The following CFDP1 variants were observed in gnomAD, a reference collection of about 807,000 sequenced individuals.
CFDP1 encodes the protein chromatin remodeling protein CFDP1.
Under a neutral mutation model 40.1 loss-of-function variants are expected in CFDP1, and 31 were observed. The ratio of observed to expected loss-of-function variants is 0.77; its 90% confidence interval spans 0.58 to 1.04. The LOEUF is 1.04. Among genes scored for constraint, CFDP1 ranks in the 50% least tolerant of loss-of-function variants. The probability of loss-of-function intolerance (pLI) is 0.00; values close to 1 mark genes in which losing one functional copy is unlikely to be tolerated. For synonymous variants in CFDP1, 167 were observed against 120.0 expected, an observed-to-expected ratio of 1.39 and a Z score of -2.56; for missense variants, 423 against 343.4, an observed-to-expected ratio of 1.23 and a Z score of -1.83.
chr16:75,395,592 G>C (rs2078989777), intron 4 of CFDP1, among the ~76,000 whole-genome samples: 1 of 152,144 alleles, frequency 6.6e-6, no homozygotes, highest in African/African-American at 2.4e-5. Context: ...CCGGGAGGCA[G>C]AGGTTGCAGT....
At chr16:75,303,488 T>A (rs1389262740) in intron 6 of CFDP1, among the ~76,000 whole-genome samples, 1 of 142,396 alleles carries the variant, frequency 7.0e-6, no homozygotes, top group Non-Finnish European at 1.5e-5. Flanking sequence ...TCTTGAAGCC[T>A]AATTTAGAAA....
At position 75,297,146 on chromosome 16, in the gene CFDP1, T is replaced by TTTTGTGTGTG. The variant is rs1555551779; in HGVS notation, c.810-3105_810-3104insCACACACAAA. Among the ~76,000 whole-genome samples the TTTTGTGTGTG allele has an allele frequency of 2.3e-3, 302 of 133,064 alleles. 1 individual carries two copies. Among genetic ancestry groups the TTTTGTGTGTG allele is most frequent in the African/African-American group, 7.9e-3 (293 of 37,300 alleles). 87.3% of individuals were successfully genotyped at this position (133,064 alleles called of 152,430 possible). On this transcript the variant is annotated intron_variant, in intron 6 of 6. Coordinates refer to ENST00000283882, the MANE Select transcript of CFDP1 (RefSeq NM_006324.3). ...GCTTGGGGTTCTTGCTTCCCATTTCTTGTGTGTGTGTGTGTGTGTCTGTGT... is the reference window on the plus strand; with the variant it reads ...GCTTGGGGTTCTTGCTTCCCATTTCTTTTGTGTGTGTGTGTGTGTGTGTGTGTGTCTGTGT...
At chr16:75,351,501 G>A (rs1257491803) in intron 5 of CFDP1, among the ~76,000 whole-genome samples, 1 of 152,120 alleles carries the variant, frequency 6.6e-6, no homozygotes, top group East Asian at 1.9e-4. Context: ...TAACTAATTT[G>A]AAGAACTTAT....
chr16:75,414,512 A>G (rs998256104), intron 2 of CFDP1, 66 bp downstream of exon 2: 3 of 934,360 alleles, frequency 3.2e-6, no homozygotes, highest in Non-Finnish European at 5.2e-6. Context: ...CATGAGACCA[A>G]TCTTAGCAAT....
intron 1 of CFDP1, among the ~76,000 whole-genome samples, chr16:75,423,743 T>A (rs929972527): frequency 6.6e-6 from 1 of 152,200 alleles, no homozygotes; most frequent in Admixed American, 6.5e-5. Flanking sequence ...CTCGATCTCC[T>A]GACCTTGAGA....
rs2078672022 is a variant in CFDP1, at chr16:75,360,148, T to C, written c.650+34942A>G. Among the ~76,000 whole-genome samples the C allele has an allele frequency of 2.0e-5, 3 of 152,092 alleles. No homozygotes were observed. In the South Asian group the frequency reaches 6.2e-4, roughly 32 times the overall value. ...CTCAAGCAATCCTCCCATCCTGGCCTCCCAAAAAGTGCTGGGATTACAGGC... is the reference window on the plus strand; with the variant it reads ...CTCAAGCAATCCTCCCATCCTGGCCCCCCAAAAAGTGCTGGGATTACAGGC... On this transcript the variant is annotated intron_variant, in intron 5 of 6. Transcript: ENST00000283882.
At position 75,396,141 on chromosome 16, in the gene CFDP1, G is replaced by C. The variant is rs767016385; in HGVS notation, c.531-932C>G. 1.9e-5 allele frequency among the ~76,000 whole-genome samples: 2 copies of C among 103,432 alleles called. 1 individual carries two copies. The allele number at this position is 103,432 out of a possible 152,430, so 67.9% of individuals were successfully genotyped here. Reference sequence around the variant, plus strand: ...CACATGCAGATTAGCACTCAGCCTTGAAAGCTGAGATGGGGAGATGGAATA... The same window carrying C: ...CACATGCAGATTAGCACTCAGCCTTCAAAGCTGAGATGGGGAGATGGAATA... On this transcript the variant is annotated intron_variant, in intron 4 of 6. Coordinates refer to ENST00000283882, the MANE Select transcript of CFDP1 (RefSeq NM_006324.3).
At chr16:75,344,408 T>C (rs1261893583) in intron 5 of CFDP1, among the ~76,000 whole-genome samples, 1 of 152,212 alleles carries the variant, frequency 6.6e-6, no homozygotes, top group Non-Finnish European at 1.5e-5. Context: ...TTAATTGCTT[T>C]AGAAAACAAA....
chr16:75,312,155 G>C (rs1194445944), intron 5 of CFDP1, among the ~76,000 whole-genome samples: 1 of 152,102 alleles, frequency 6.6e-6, no homozygotes, highest in African/African-American at 2.4e-5. Flanking sequence ...AAATCTCTAA[G>C]TAATCTCCCC....
At chr16:75,313,633 C>A in intron 5 of CFDP1, among the ~76,000 whole-genome samples, 1 of 152,328 alleles carries the variant, frequency 6.6e-6, no homozygotes, top group African/African-American at 2.4e-5. Context: ...CCACGCCTGG[C>A]CAGCATGTGA....
chr16:75,390,060 A>G (rs1410046962), intron 5 of CFDP1, among the ~76,000 whole-genome samples: 1 of 152,238 alleles, frequency 6.6e-6, no homozygotes. Flanking sequence ...GTAATGTGTT[A>G]TGTTCCATCA....
chr16:75,368,947 A>G (rs2078734388), intron 5 of CFDP1, among the ~76,000 whole-genome samples: 1 of 151,950 alleles, frequency 6.6e-6, no homozygotes, highest in South Asian at 2.1e-4. Flanking sequence ...TCCTTTTTAC[A>G]TTTTTCAATA....
intron 4 of CFDP1, among the ~76,000 whole-genome samples, chr16:75,398,783 T>C (rs12920883): frequency 0.52 from 78,594 of 151,806 alleles, 21,384 homozygotes; most frequent in Admixed American, 0.64. Context: ...AGGCTGGGCG[T>C]GGTGGTCATG....
intron 5 of CFDP1, among the ~76,000 whole-genome samples, chr16:75,378,148 T>C (rs2078817795): frequency 6.6e-6 from 1 of 152,158 alleles, no homozygotes; most frequent in African/African-American, 2.4e-5. Flanking sequence ...TTCTGTGCAC[T>C]CTGACAGGGA....
chr16:75,325,755 C>A (rs1004563337), intron 5 of CFDP1, among the ~76,000 whole-genome samples: 6 of 152,316 alleles, frequency 3.9e-5, no homozygotes, highest in Admixed American at 1.3e-4. Flanking sequence ...TTATAAATCC[C>A]AGTGAAGTGA....
At chr16:75,338,363 G>A (rs1017061108) in intron 5 of CFDP1, among the ~76,000 whole-genome samples, 2 of 152,190 alleles carry the variant, frequency 1.3e-5, no homozygotes, top group Non-Finnish European at 2.9e-5. Flanking sequence ...GAGACTGAAA[G>A]GAACCAATGG....
At chr16:75,298,354 C>T (rs1193646945) in intron 6 of CFDP1, among the ~76,000 whole-genome samples, 2 of 152,186 alleles carry the variant, frequency 1.3e-5, no homozygotes, top group Non-Finnish European at 2.9e-5. Flanking sequence ...GCTGACCCGA[C>T]GTAGTCACCC....
In CFDP1 at chr16:75,319,259, G is replaced by C. The variant is rs566426553; in HGVS notation, c.651-14077C>G. ...GGGTTTCACCATGTTGGCCAGGATG[G>C]TCTTGATCTCTTGACCTTATAATCC... On this transcript the variant is annotated intron_variant, in intron 5 of 6. Transcript: ENST00000283882. Among the ~76,000 whole-genome samples the C allele has an allele frequency of 3.3e-5, 5 of 152,158 alleles. No homozygotes were observed. The East Asian group carries it at 9.7e-4, about 29-fold the overall frequency.
chr16:75,347,497 G>C (rs1400813527), intron 5 of CFDP1, among the ~76,000 whole-genome samples: 1 of 151,960 alleles, frequency 6.6e-6, no homozygotes, highest in Non-Finnish European at 1.5e-5. Context: ...GGTTAACACG[G>C]TGAAACCCTG....
Sources: gnomAD v4.1 joint callset for allele counts (sites outside exome capture counted in the v4.1 genomes callset) on GRCh38, gnomAD v4.1.1 for gene constraint, MANE v1.5 for transcripts, NCBI Gene and HGNC (gene_info 2026-07-23, HGNC 2026-07-21) for gene names.